The following PARD3 variants were observed in gnomAD, a reference collection of about 807,000 sequenced individuals.
PARD3 encodes the protein partitioning defective 3 homolog.
A neutral mutation model predicts 155.4 loss-of-function variants in PARD3; 75 were observed. The ratio of observed to expected loss-of-function variants is 0.48; its 90% CI spans 0.40 to 0.58. The LOEUF is 0.58. Ranked by LOEUF, PARD3 falls within the 20% of genes least tolerant of loss-of-function variation. The pLI is 0.00. For missense variants in PARD3, 1,642 were observed against 1,721.7 expected, an observed-to-expected ratio of 0.95 and a Z score of 0.82; for synonymous variants, 576 against 610.5, an observed-to-expected ratio of 0.94 and a Z score of 0.83.
intron 5 of PARD3, among the ~76,000 whole-genome samples, chr10:34,428,874 C>T (rs770666701): frequency 2.6e-5 from 4 of 151,966 alleles, no homozygotes; most frequent in South Asian, 2.1e-4. Context: ...AATAGAAGTA[C>T]GAATCAGTCA....
At chr10:34,187,349 T>C (rs1227994586) in intron 22 of PARD3, among the ~76,000 whole-genome samples, 1 of 151,534 alleles carries the variant, frequency 6.6e-6, no homozygotes, top group Non-Finnish European at 1.5e-5. Context: ...TATAAACATG[T>C]CCAAAAGTCC....
In PARD3 at chr10:34,244,446, T is replaced by C. The variant is rs185323895; in HGVS notation, c.3419+25211A>G. ...CTGAAGGGCCTCAAAATAACCTACA[T>C]ACTTTGTTTCCTTTTGATACCTGTT... On this transcript the variant is annotated intron_variant, in intron 22 of 24. Transcript: ENST00000374788. Among the ~76,000 whole-genome samples, 502 of 152,308 alleles carry C rather than the reference T, an allele frequency of 3.3e-3. 2 individuals are homozygous for C. Among genetic ancestry groups the C allele is most frequent in the South Asian group, 0.021 (103 of 4,822 alleles).
chr10:34,699,994 A>T (rs750306661), intron 1 of PARD3, among the ~76,000 whole-genome samples: 24 of 152,254 alleles, frequency 1.6e-4, no homozygotes, highest in Non-Finnish European at 3.4e-4. Context: ...TTCAACTAAA[A>T]AAGAAGAAGA....
intron 14 of PARD3, among the ~76,000 whole-genome samples, chr10:34,353,416 C>A (rs181110186): frequency 7.1e-4 from 108 of 152,138 alleles, no homozygotes; most frequent in Non-Finnish European, 1.2e-3. Flanking sequence ...ATAACCTTAC[C>A]CCCAACCCCG....
intron 22 of PARD3, among the ~76,000 whole-genome samples, chr10:34,199,456 C>A (rs1316698722): frequency 6.6e-6 from 1 of 152,092 alleles, no homozygotes; most frequent in Non-Finnish European, 1.5e-5. Flanking sequence ...CCTAAGCTGA[C>A]AATCCCCAGT....
chr10:34,278,415 A>T (rs1321024199), intron 21 of PARD3, among the ~76,000 whole-genome samples: 1 of 152,166 alleles, frequency 6.6e-6, no homozygotes, highest in Non-Finnish European at 1.5e-5. Flanking sequence ...AGTAATTTTA[A>T]AAAGACTTAT....
intron 20 of PARD3, among the ~76,000 whole-genome samples, chr10:34,297,459 C>T (rs182605325): frequency 4.2e-4 from 64 of 152,270 alleles, no homozygotes; most frequent in East Asian, 1.7e-3. Flanking sequence ...TTTTAAAACA[C>T]GTAGCACACT....
At chr10:34,501,039 G>A (rs895863762) in intron 3 of PARD3, among the ~76,000 whole-genome samples, 29 of 152,020 alleles carry the variant, frequency 1.9e-4, no homozygotes, top group Non-Finnish European at 1.9e-4. Flanking sequence ...TTTTTATCAA[G>A]CAACCACAAT....
intron 7 of PARD3, among the ~76,000 whole-genome samples, chr10:34,384,628 A>G (rs192739412): frequency 1.3e-5 from 2 of 152,322 alleles, no homozygotes; most frequent in African/African-American, 4.8e-5. Context: ...GTTTTAAGCC[A>G]GCTGGCACGC....
rs1283661743 is a variant in PARD3 at position 34,119,744 on chromosome 10, G to A, written c.3541-4C>T. The A allele has an allele frequency of 6.2e-7, 1 of 1,609,512 alleles. No homozygotes were observed. The highest frequency in any genetic ancestry group is 1.3e-5 in the African/African-American group (1 of 74,858). On this transcript the variant is annotated splice_polypyrimidine_tract_variant and splice_region_variant and intron_variant, in intron 23 of 24. Transcript: ENST00000374788. ...GCGTCGCCGGCCGTGCGTTCGGCTG[G>A]AAGAGGAAAATACAAGCACATCGTT...
At chr10:34,554,156 C>T (rs767312053) in intron 2 of PARD3, among the ~76,000 whole-genome samples, 7 of 152,170 alleles carry the variant, frequency 4.6e-5, no homozygotes, top group Admixed American at 1.3e-4. Context: ...CAGGAAGAGA[C>T]TTTAGGTTAA....
At chr10:34,384,066 A>T (rs903037167) in intron 8 of PARD3, 63 bp downstream of exon 8, 56 of 1,528,504 alleles carry the variant, frequency 3.7e-5, no homozygotes, top group South Asian at 5.8e-5. Context: ...AAGCATTTCA[A>T]CTGACTGCAC....
intron 5 of PARD3, among the ~76,000 whole-genome samples, chr10:34,406,943 T>C (rs1003639762): frequency 6.6e-5 from 10 of 152,152 alleles, no homozygotes; most frequent in Admixed American, 3.3e-4. Context: ...ACTTTGGATG[T>C]AACAGCATTG....
intron 2 of PARD3, among the ~76,000 whole-genome samples, chr10:34,619,871 C>T (rs2091524303): frequency 6.6e-6 from 1 of 152,176 alleles, no homozygotes; most frequent in Non-Finnish European, 1.5e-5. Context: ...CACTGGCTCT[C>T]CAGCCTTCTC....
chr10:34,599,221 C>T (rs959986330), intron 2 of PARD3, among the ~76,000 whole-genome samples: 6 of 152,160 alleles, frequency 3.9e-5, no homozygotes, highest in Non-Finnish European at 8.8e-5. Context: ...GAATTTTCAT[C>T]GCTGTCACCT....
At chr10:34,444,641 A>T (rs2132699491) in intron 5 of PARD3, among the ~76,000 whole-genome samples, 1 of 152,290 alleles carries the variant, frequency 6.6e-6, no homozygotes, top group Admixed American at 6.5e-5. Context: ...CTTTTTGGAA[A>T]TCATATTGTG....
At chr10:34,250,964 G>A (rs1375465032) in intron 22 of PARD3, among the ~76,000 whole-genome samples, 2 of 152,192 alleles carry the variant, frequency 1.3e-5, no homozygotes, top group African/African-American at 2.4e-5. Context: ...CTCCAGGCCT[G>A]AGGCCTGCAC....
chr10:34,292,435 T>C (rs1447433393), intron 20 of PARD3, among the ~76,000 whole-genome samples: 1 of 152,176 alleles, frequency 6.6e-6, no homozygotes, highest in African/African-American at 2.4e-5. Context: ...AGGTTGATTA[T>C]GAAAAGCAGA....
chr10:34,394,912 CA>C (rs1843174518), intron 7 of PARD3, among the ~76,000 whole-genome samples: 1 of 151,070 alleles, frequency 6.6e-6, no homozygotes, highest in Non-Finnish European at 1.5e-5. Context: ...TACCTACAAC[CA>C]GGTTCTAGAA....
Sources: allele counts gnomAD v4.1 joint callset (sites outside exome capture counted in the v4.1 genomes callset), GRCh38; gene constraint gnomAD v4.1.1; transcripts MANE v1.5; gene names NCBI Gene and HGNC (gene_info 2026-07-23, HGNC 2026-07-21).